The following LAMA3 variants were observed in gnomAD, a reference collection of about 807,000 sequenced individuals.
The protein encoded by LAMA3 is laminin subunit alpha 3.
In LAMA3, 281 loss-of-function variants were observed where a neutral mutation model predicts 402.0. The ratio of observed to expected loss-of-function variants is 0.70; its 90% CI spans 0.63 to 0.77. The LOEUF is 0.77. LAMA3 is among the 30% of genes least tolerant of loss of function. The pLI is 0.00. For synonymous variants in LAMA3, 1,431 were observed against 1,558.4 expected (o/e 0.92, Z 1.93); for missense variants, 3,840 against 4,215.5 (o/e 0.91, Z 2.47).
At chr18:23,747,110 G>A (rs1006706795) in intron 2 of LAMA3, among the ~76,000 whole-genome samples, 16 of 151,904 alleles carry the variant, frequency 1.1e-4, no homozygotes, top group Non-Finnish European at 2.4e-4. Context: ...AAGGGGGTGG[G>A]GATAATCCTC....
chr18:23,890,407 C>T (rs997667080), intron 42 of LAMA3, among the ~76,000 whole-genome samples: 1 of 151,940 alleles, frequency 6.6e-6, no homozygotes, highest in South Asian at 2.1e-4. Flanking sequence ...ACCAAAATAA[C>T]TTCAGATCCT....
chr18:23,790,676 C>A (rs1250562965), intron 12 of LAMA3, among the ~76,000 whole-genome samples: 7 of 152,150 alleles, frequency 4.6e-5, no homozygotes, highest in African/African-American at 1.7e-4. Flanking sequence ...TCTCATTCAG[C>A]TAGAAACTGT....
chr18:23,882,053 A>G lies in LAMA3; in HGVS notation c.5222+8A>G, dbSNP rs2144921268. On this transcript the variant is annotated splice_region_variant and intron_variant, in intron 40 of 74. Coordinates refer to ENST00000313654, the MANE Select transcript of LAMA3 (RefSeq NM_198129.4). ...ATGTCCTCACACTAACAGGTACCGT[A>G]GCAGCTTGACATAACCTACAGGGAC... 6.2e-7 allele frequency: 1 copy of G among 1,601,882 alleles called. No homozygotes were observed. The highest frequency in any genetic ancestry group is 8.6e-7 in the Non-Finnish European group (1 of 1,169,092).
At chr18:23,757,605 A>G (rs1457061741) in intron 6 of LAMA3, among the ~76,000 whole-genome samples, 3 of 151,928 alleles carry the variant, frequency 2.0e-5, no homozygotes, top group Non-Finnish European at 2.9e-5. Flanking sequence ...GCGCGATCTT[A>G]GGTGAGAGAG....
chr18:23,743,567 C>G (rs2061599581), intron 2 of LAMA3, among the ~76,000 whole-genome samples: 1 of 152,208 alleles, frequency 6.6e-6, no homozygotes, highest in African/African-American at 2.4e-5. Flanking sequence ...GGCTTCAGAG[C>G]ATGCAGCACT....
At chr18:23,937,327 C>G (rs976415063) in intron 67 of LAMA3, among the ~76,000 whole-genome samples, 2 of 135,726 alleles carry the variant, frequency 1.5e-5, no homozygotes, top group Non-Finnish European at 3.0e-5. Context: ...GATCGCGCCA[C>G]TGCACTGCAG....
chr18:23,813,553 C>CTTTTTTTTTTTTTTTTTTTTTTTT (rs1164123647), intron 14 of LAMA3, among the ~76,000 whole-genome samples: 1 of 115,004 alleles, frequency 8.7e-6, no homozygotes, highest in African/African-American at 3.4e-5. Flanking sequence ...TCTTTTCTTT[C>CTTTTTTTTTTTTTTTTTTTTTTTT]TTTTTTTTTT....
chr18:23,896,645 G>A (rs1325153854), intron 44 of LAMA3, among the ~76,000 whole-genome samples: 1 of 152,256 alleles, frequency 6.6e-6, no homozygotes, highest in Non-Finnish European at 1.5e-5. Flanking sequence ...CATGAATGGG[G>A]GCTAAAAAGC....
At chr18:23,819,090 A>G (rs2063231649) in intron 18 of LAMA3, among the ~76,000 whole-genome samples, 3 of 152,128 alleles carry the variant, frequency 2.0e-5, no homozygotes, top group South Asian at 2.1e-4. Flanking sequence ...GTATAGGAGC[A>G]TGGCCTTTTA....
At chr18:23,864,036 A>G (rs746151068) in intron 35 of LAMA3, among the ~76,000 whole-genome samples, 27 of 152,128 alleles carry the variant, frequency 1.8e-4, no homozygotes, top group Non-Finnish European at 3.2e-4. Flanking sequence ...GTTTTTGGAG[A>G]AAATTTATTT....
chr18:23,744,689 G>A (rs1166400280), intron 2 of LAMA3, among the ~76,000 whole-genome samples: 1 of 151,786 alleles, frequency 6.6e-6, no homozygotes, highest in African/African-American at 2.4e-5. Context: ...AAAATTAGCC[G>A]GGCGTGGTGG....
intron 12 of LAMA3, among the ~76,000 whole-genome samples, chr18:23,797,746 A>G (rs1015607455): frequency 3.3e-5 from 5 of 152,222 alleles, no homozygotes; most frequent in Non-Finnish European, 4.4e-5. Flanking sequence ...ATCTTCTTTA[A>G]AGAGAATTTT....
intron 34 of LAMA3, 137 bp from the exon 35 acceptor site, chr18:23,861,509 C>A: frequency 1.1e-6 from 1 of 890,150 alleles, no homozygotes; most frequent in Non-Finnish European, 1.8e-6. Context: ...AGGGCAGGTG[C>A]AGGAGTAGAC....
intron 2 of LAMA3, among the ~76,000 whole-genome samples, chr18:23,745,100 T>G (rs2061629024): frequency 6.6e-6 from 1 of 152,202 alleles, no homozygotes; most frequent in Non-Finnish European, 1.5e-5. Flanking sequence ...TCCATGTTCT[T>G]GGAAGATAAC....
chr18:23,778,575 G>A (rs1034080420), intron 11 of LAMA3, among the ~76,000 whole-genome samples: 1 of 152,104 alleles, frequency 6.6e-6, no homozygotes, highest in African/African-American at 2.4e-5. Flanking sequence ...AACCCATCAC[G>A]GCATCCACAG....
intron 1 of LAMA3, among the ~76,000 whole-genome samples, chr18:23,707,582 T>C (rs2060913352): frequency 6.6e-6 from 1 of 152,214 alleles, no homozygotes; most frequent in Non-Finnish European, 1.5e-5. Flanking sequence ...CACTTTTGCA[T>C]TGTAAATATC....
intron 69 of LAMA3, among the ~76,000 whole-genome samples, chr18:23,944,581 G>A (rs2082639753): frequency 6.6e-6 from 1 of 152,172 alleles, no homozygotes; most frequent in African/African-American, 2.4e-5. Flanking sequence ...TGACAGAGCA[G>A]GGAGACTATT....
rs546412637 is a variant in LAMA3, at chr18:23,743,106, A to T, written c.448-4837A>T. 2.0e-5 allele frequency among the ~76,000 whole-genome samples: 3 copies of T among 152,356 alleles called. No homozygotes were observed. The South Asian group carries it at 6.2e-4, about 32-fold the overall frequency. On this transcript the variant is annotated intron_variant, in intron 2 of 74. Transcript: ENST00000313654. ...GCAGCCTAGTGGGAATGACAGATGA[A>T]AACAGGTACCGCAGTGCATGACAGG...
At chr18:23,880,605 G>A (rs778867482) in intron 39 of LAMA3, among the ~76,000 whole-genome samples, 3 of 152,196 alleles carry the variant, frequency 2.0e-5, no homozygotes, top group East Asian at 1.9e-4. Context: ...ATGGCTGGGC[G>A]CGATGGCTCA....
Sources: gnomAD v4.1 joint callset for allele counts (sites outside exome capture counted in the v4.1 genomes callset) on GRCh38, gnomAD v4.1.1 for gene constraint, MANE v1.5 for transcripts, NCBI Gene and HGNC (gene_info 2026-07-23, HGNC 2026-07-21) for gene names.